Variants in CABLES1 observed in about 807,000 individuals in gnomAD.
CABLES1 encodes Cdk5 and Abl enzyme substrate 1, also known as CDK5 and ABL1 enzyme substrate 1.
Under a neutral mutation model 57.8 loss-of-function variants are expected in CABLES1, and 36 were observed. The ratio of observed to expected loss-of-function variants is 0.62; its 90% CI spans 0.48 to 0.82. CABLES1 has a LOEUF of 0.82. Among genes scored for constraint, CABLES1 ranks in the 40% least tolerant of loss-of-function variants. CABLES1 has a pLI of 0.00. For synonymous variants in CABLES1, 374 were observed against 363.0 expected (o/e 1.03, Z -0.35); for missense variants, 767 against 836.6 (o/e 0.92, Z 1.03).
intron 3 of CABLES1, among the ~76,000 whole-genome samples, chr18:23,205,548 C>T (rs1251365558): frequency 1.3e-5 from 2 of 152,090 alleles, no homozygotes; most frequent in Non-Finnish European, 2.9e-5. Flanking sequence ...TTACCTTAGC[C>T]CCCAAAATTC....
At chr18:23,147,518 A>T (rs906871292) in intron 1 of CABLES1, among the ~76,000 whole-genome samples, 1 of 152,216 alleles carries the variant, frequency 6.6e-6, no homozygotes, top group Non-Finnish European at 1.5e-5. Flanking sequence ...TGCACCTTAC[A>T]CTGTCCAAGA....
intron 1 of CABLES1, among the ~76,000 whole-genome samples, chr18:23,185,687 A>G (rs1008975553): frequency 1.3e-5 from 2 of 152,188 alleles, no homozygotes; most frequent in Non-Finnish European, 2.9e-5. Context: ...CAGATTGAAC[A>G]AAACATCAAT....
At chr18:23,141,577 A>G (rs374093127) in intron 1 of CABLES1, among the ~76,000 whole-genome samples, 1 of 152,138 alleles carries the variant, frequency 6.6e-6, no homozygotes, top group Non-Finnish European at 1.5e-5. Context: ...TCCAGCAACC[A>G]TGGGTTTTGG....
intron 7 of CABLES1, among the ~76,000 whole-genome samples, chr18:23,242,508 A>C (rs1400905557): frequency 6.6e-6 from 1 of 152,198 alleles, no homozygotes; most frequent in Non-Finnish European, 1.5e-5. Flanking sequence ...GTATCATTAG[A>C]ACGTGGCAGC....
At chr18:23,225,938 C>T (rs2047524517) in intron 4 of CABLES1, among the ~76,000 whole-genome samples, 1 of 152,244 alleles carries the variant, frequency 6.6e-6, no homozygotes, top group Non-Finnish European at 1.5e-5. Context: ...GTGCCACCGC[C>T]ATAGGGCCAG....
At position 23,187,639 on chromosome 18, in the gene CABLES1, G is replaced by A. The variant is rs1253157362; in HGVS notation, c.846-1199G>A. On this transcript the variant is annotated intron_variant, in intron 1 of 9. Transcript: ENST00000256925. ...AGACCTCAGGTGATCAGCCTGCCTC[G>A]GCCTCCCAAAGTGCTGGGATTACAG... Among the ~76,000 whole-genome samples, 4 of 152,054 alleles carry A rather than the reference G, an allele frequency of 2.6e-5. 1 individual carries two copies. The highest frequency in any genetic ancestry group is 7.2e-5 in the African/African-American group (3 of 41,418).
At chr18:23,199,007 C>T (rs997175809) in intron 3 of CABLES1, among the ~76,000 whole-genome samples, 1 of 152,114 alleles carries the variant, frequency 6.6e-6, no homozygotes, top group East Asian at 1.9e-4. Context: ...TCTCCATTGA[C>T]GAGAATGTGG....
In CABLES1 at chr18:23,207,318, C is replaced by T. The variant is rs531209562; in HGVS notation, c.1011-6659C>T. ...AGTGGAAACGCTGGTGAGTCAGGCA[C>T]GTGGAGGTCCGTGAACATTTATTAT... is the stretch of plus-strand genomic sequence containing the variant. On this transcript the variant is annotated intron_variant, in intron 3 of 9. Transcript: ENST00000256925. Among the ~76,000 whole-genome samples the T allele has an allele frequency of 2.7e-4, 41 of 152,244 alleles. No homozygotes were observed. In the South Asian group the frequency reaches 3.3e-3, roughly 12 times the overall value.
intron 4 of CABLES1, among the ~76,000 whole-genome samples, chr18:23,219,890 T>C (rs1204004505): frequency 1.3e-5 from 2 of 152,158 alleles, no homozygotes; most frequent in African/African-American, 4.8e-5. Flanking sequence ...AATATTAATA[T>C]TCATTGAGTT....
intron 7 of CABLES1, among the ~76,000 whole-genome samples, 154 bp from the exon 8 acceptor site, chr18:23,252,806 G>C (rs2145134434): frequency 6.6e-6 from 1 of 152,246 alleles, no homozygotes; most frequent in Admixed American, 6.5e-5. Context: ...TCCCCTTCAG[G>C]CTCCTGGATT....
intron 4 of CABLES1, among the ~76,000 whole-genome samples, chr18:23,215,988 T>C (rs565638870): frequency 6.6e-6 from 1 of 152,278 alleles, no homozygotes; most frequent in African/African-American, 2.4e-5. Context: ...TCTCCTGACC[T>C]CGTGATCTGC....
At chr18:23,148,325 C>G (rs113581803) in intron 1 of CABLES1, among the ~76,000 whole-genome samples, 4,482 of 152,168 alleles carry the variant, frequency 0.029, 171 homozygotes, top group African/African-American at 0.086. Flanking sequence ...TACCCTCTCC[C>G]GTGTGAGGGC....
At chr18:23,248,253 C>A (rs1018503389) in intron 7 of CABLES1, among the ~76,000 whole-genome samples, 2 of 152,214 alleles carry the variant, frequency 1.3e-5, no homozygotes, top group African/African-American at 4.8e-5. Context: ...TTATGGGGAT[C>A]AGAAGCTCTT....
chr18:23,175,108 C>G (rs1018557875), intron 1 of CABLES1, among the ~76,000 whole-genome samples: 2 of 151,924 alleles, frequency 1.3e-5, no homozygotes, highest in African/African-American at 4.8e-5. Context: ...ACTGTACAAC[C>G]AAGACCAAAA....
intron 7 of CABLES1, among the ~76,000 whole-genome samples, chr18:23,237,542 C>G (rs2047633752): frequency 6.6e-6 from 1 of 152,214 alleles, no homozygotes; most frequent in South Asian, 2.1e-4. Flanking sequence ...TCCACAAACC[C>G]CCGTGGAGAG....
chr18:23,196,402 G>A (rs1023865058), intron 3 of CABLES1, among the ~76,000 whole-genome samples: 1 of 152,170 alleles, frequency 6.6e-6, no homozygotes, highest in Non-Finnish European at 1.5e-5. Flanking sequence ...GGAGGGGCTG[G>A]CCCTCCCACT....
chr18:23,177,127 G>A (rs1184885352), intron 1 of CABLES1, among the ~76,000 whole-genome samples: 1 of 152,058 alleles, frequency 6.6e-6, no homozygotes, highest in Non-Finnish European at 1.5e-5. Context: ...AAATAAATGC[G>A]TATCTGGCTT....
chr18:23,199,753 TAC>T (rs2047309844), intron 3 of CABLES1, among the ~76,000 whole-genome samples: 1 of 152,242 alleles, frequency 6.6e-6, no homozygotes, highest in Non-Finnish European at 1.5e-5. Flanking sequence ...GTTTTAGGAA[TAC>T]ACAGTGATGA....
At chr18:23,221,457 C>T (rs1179774560) in intron 4 of CABLES1, among the ~76,000 whole-genome samples, 1 of 152,206 alleles carries the variant, frequency 6.6e-6, no homozygotes, top group East Asian at 1.9e-4. Context: ...GAGTTGCAGA[C>T]ATTGGAGTCC....
Sources: allele counts gnomAD v4.1 joint callset (sites outside exome capture counted in the v4.1 genomes callset), GRCh38; gene constraint gnomAD v4.1.1; transcripts MANE v1.5; gene names NCBI Gene and HGNC (gene_info 2026-07-23, HGNC 2026-07-21).